The following OPRD1 variants were observed in gnomAD, a reference collection of about 807,000 sequenced individuals.
OPRD1 encodes the protein delta-type opioid receptor.
OPRD1 carries 19 observed loss-of-function variants against 17.5 expected under a neutral mutation model. The observed-to-expected ratio is 1.09, with a 90% CI of 0.76 to 1.60. OPRD1 has a LOEUF of 1.60. Among genes scored for constraint, OPRD1 ranks in the 40% most tolerant of loss-of-function variants. OPRD1 has a pLI of 0.00. For missense variants in OPRD1, 483 were observed against 547.2 expected (o/e 0.88, Z 1.17); for synonymous variants, 256 against 240.9 (o/e 1.06, Z -0.58).
rs1231991824 is a variant in OPRD1, at chr1:28,863,043, C to T, written c.879C>T (p.Asp293=). ...VWTLVDIDRR[D]PLVVAALHLC... ...CGCTGGTGGACATCGACCGGCGCGA[C>T]CCGCTGGTGGTGGCTGCGCTGCACC... is the stretch of plus-strand genomic sequence containing the variant. Residue 293 remains aspartate (D), a synonymous_variant, in exon 3 of 3, where the codon GAC becomes GAT. Coordinates refer to ENST00000234961, the MANE Select transcript of OPRD1 (RefSeq NM_000911.4). 11 of 1,606,060 alleles carry T rather than the reference C, an allele frequency of 6.8e-6. No individual in the cohort carries two copies. Among genetic ancestry groups the T allele is most frequent in the Non-Finnish European group, 9.4e-6 (11 of 1,176,230 alleles).
At chr1:28,827,660 C>T (rs1181846864) in intron 1 of OPRD1, among the ~76,000 whole-genome samples, 1 of 152,184 alleles carries the variant, frequency 6.6e-6, no homozygotes, top group Non-Finnish European at 1.5e-5. Context: ...TCCACTGAAG[C>T]CTCGAACCCC....
chr1:28,858,424 T>C (rs1338928286), intron 1 of OPRD1, among the ~76,000 whole-genome samples: 1 of 152,046 alleles, frequency 6.6e-6, no homozygotes, highest in Non-Finnish European at 1.5e-5. Flanking sequence ...AGGATTTTTC[T>C]TAAAACACCT....
rs768172682 is a variant in OPRD1 at position 28,812,521 on chromosome 1, C to T, written c.138C>T (p.Leu46=). 1.3e-6 allele frequency: 2 copies of T among 1,579,876 alleles called. No individual in the cohort carries two copies. The highest frequency in any genetic ancestry group is 1.4e-5 in the African/African-American group (1 of 72,350). ...GPPGARSASS[L]ALAIAITALY... is the part of the protein sequence containing the mutation. Reference sequence around the variant, plus strand: ...CAGGCGCGCGGAGCGCCTCGTCCCTCGCCCTGGCAATCGCCATCACCGCGC... The same window carrying T: ...CAGGCGCGCGGAGCGCCTCGTCCCTTGCCCTGGCAATCGCCATCACCGCGC... Residue 46 remains leucine (L), a synonymous_variant, in exon 1 of 3, where the codon CTC becomes CTT. Transcript: ENST00000234961.
chr1:28,814,565 A>G (rs569620591), intron 1 of OPRD1, among the ~76,000 whole-genome samples: 1 of 152,294 alleles, frequency 6.6e-6, no homozygotes, highest in African/African-American at 2.4e-5. Flanking sequence ...AAGTCTGGAA[A>G]AAGCCGAGCG....
intron 1 of OPRD1, among the ~76,000 whole-genome samples, chr1:28,847,505 T>C (rs2088964472): frequency 6.6e-6 from 1 of 152,128 alleles, no homozygotes; most frequent in South Asian, 2.1e-4. Context: ...GCATGTGTTA[T>C]TGGGAGAAGC....
chr1:28,860,295 G>A (rs1261835264), intron 2 of OPRD1, among the ~76,000 whole-genome samples: 1 of 151,924 alleles, frequency 6.6e-6, no homozygotes, highest in Non-Finnish European at 1.5e-5. Flanking sequence ...AACCTGGGAG[G>A]CGGAAGTTGC....
At chr1:28,824,547 T>C (rs1173420420) in intron 1 of OPRD1, among the ~76,000 whole-genome samples, 5 of 151,632 alleles carry the variant, frequency 3.3e-5, no homozygotes, top group African/African-American at 1.2e-4. Context: ...CTTGATCTCC[T>C]GACCTTGTGA....
intron 1 of OPRD1, among the ~76,000 whole-genome samples, chr1:28,822,437 A>G (rs2088724368): frequency 6.6e-6 from 1 of 152,038 alleles, no homozygotes; most frequent in Admixed American, 6.6e-5. Context: ...CCCTCTCACC[A>G]TGGCTGAGAT....
intron 1 of OPRD1, among the ~76,000 whole-genome samples, chr1:28,816,684 C>G (rs2088673174): frequency 6.6e-6 from 1 of 152,132 alleles, no homozygotes; most frequent in Non-Finnish European, 1.5e-5. Flanking sequence ...AGCATCACCC[C>G]CTCCTCCTGC....
Position 28,829,796 on chromosome 1 carries a change from A to G in OPRD1, c.227+17186A>G, listed in dbSNP as rs981117820. On this transcript the variant is annotated intron_variant, in intron 1 of 2. Coordinates refer to ENST00000234961, the MANE Select transcript of OPRD1 (RefSeq NM_000911.4). Reference sequence around the variant, plus strand: ...GCAATCATGCCTCACTGCAGCTTCAACTGGCTGGGTTCAAGTGATCCTCTT... The same window carrying G: ...GCAATCATGCCTCACTGCAGCTTCAGCTGGCTGGGTTCAAGTGATCCTCTT... Among the ~76,000 whole-genome samples, 107 of 152,174 alleles carry G rather than the reference A, an allele frequency of 7.0e-4. 1 individual carries two copies. Among genetic ancestry groups the G allele is most frequent in the African/African-American group, 4.8e-5 (2 of 41,448 alleles).
chr1:28,823,190 CTTT>C (rs773578102), intron 1 of OPRD1, among the ~76,000 whole-genome samples: 4 of 101,900 alleles, frequency 3.9e-5, no homozygotes, highest in African/African-American at 1.2e-4. Flanking sequence ...CTTCTGTAGT[CTTT>C]TTTTTTTTTT....
intron 1 of OPRD1, among the ~76,000 whole-genome samples, chr1:28,820,514 A>G (rs1262421282): frequency 6.6e-6 from 1 of 151,594 alleles, no homozygotes; most frequent in East Asian, 1.9e-4. Flanking sequence ...TGGTATAGGG[A>G]AACTTTATCA....
intron 1 of OPRD1, among the ~76,000 whole-genome samples, chr1:28,817,217 G>A (rs1189206701): frequency 6.6e-6 from 1 of 152,158 alleles, no homozygotes; most frequent in African/African-American, 2.4e-5. Context: ...TAGCAAGCCG[G>A]ATCGCCTCAC....
At chr1:28,850,783 AAATAATAATAATAATAATAATAAT>A (rs144560328) in intron 1 of OPRD1, among the ~76,000 whole-genome samples, 5,650 of 135,880 alleles carry the variant, frequency 0.042, 388 homozygotes, top group African/African-American at 0.14. Flanking sequence ...ATCTGTCTCA[AAATAATAATAATAATAATAATAAT>A]AATAATAATA....
At chr1:28,857,501 C>T (rs2089066699) in intron 1 of OPRD1, among the ~76,000 whole-genome samples, 2 of 152,222 alleles carry the variant, frequency 1.3e-5, no homozygotes, top group South Asian at 2.1e-4. Context: ...CAGTGTCTTG[C>T]TCTGTCAACC....
intron 1 of OPRD1, among the ~76,000 whole-genome samples, chr1:28,847,138 G>GCCT (rs2088961248): frequency 6.6e-6 from 1 of 151,136 alleles, no homozygotes; most frequent in Non-Finnish European, 1.5e-5. Context: ...TGCAACCTCT[G>GCCT]CCTCCCGGGT....
chr1:28,830,220 G>A (rs1356916556), intron 1 of OPRD1, among the ~76,000 whole-genome samples: 3 of 151,894 alleles, frequency 2.0e-5, no homozygotes, highest in African/African-American at 7.3e-5. Context: ...CAATTACAGT[G>A]GTAGCATCCA....
chr1:28,834,461 A>G (rs1373257067), intron 1 of OPRD1, among the ~76,000 whole-genome samples: 3 of 146,252 alleles, frequency 2.1e-5, no homozygotes, highest in Non-Finnish European at 4.5e-5. Flanking sequence ...GTTCACTGCA[A>G]CCTCCACCTC....
intron 1 of OPRD1, among the ~76,000 whole-genome samples, chr1:28,839,405 GA>G (rs1214274885): frequency 1.3e-5 from 2 of 152,162 alleles, no homozygotes; most frequent in Non-Finnish European, 2.9e-5. Flanking sequence ...ACTTAATTAT[GA>G]CTGCAAATGA....
Sources: gnomAD v4.1 joint callset for allele counts (sites outside exome capture counted in the v4.1 genomes callset) on GRCh38, gnomAD v4.1.1 for gene constraint, MANE v1.5 for transcripts, NCBI Gene and HGNC (gene_info 2026-07-23, HGNC 2026-07-21) for gene names.